KCNQ3: variants seen among roughly 807,000 people sequenced by gnomAD.
KCNQ3 encodes the protein potassium voltage-gated channel subfamily Q member 3.
Under a neutral mutation model 92.5 loss-of-function variants are expected in KCNQ3, and 30 were observed. The ratio of observed to expected loss-of-function variants is 0.32; its 90% confidence interval spans 0.24 to 0.44. The LOEUF is 0.44. Among genes scored for constraint, KCNQ3 ranks in the 20% least tolerant of loss-of-function variants. KCNQ3 has a pLI of 1.00. For synonymous variants in KCNQ3, 450 were observed against 468.8 expected (o/e 0.96, Z 0.52); for missense variants, 913 against 1,140.3 (o/e 0.80, Z 2.87).
rs79110098 is a variant in KCNQ3, at chr8:132,461,209, G to A, written c.386+18938C>T. On this transcript the variant is annotated intron_variant, in intron 1 of 14. Transcript: ENST00000388996. The stretch of plus-strand genomic sequence containing the variant: ...AACATTTCCATGAAGGTTTTTGTGT[G>A]GATATAAGATTTCAAATGAGTTGGG... Among the ~76,000 whole-genome samples the A allele has an allele frequency of 9.9e-3, 1,504 of 152,206 alleles. 18 individuals carry two copies. Among genetic ancestry groups the A allele is most frequent in the African/African-American group, 0.034 (1,423 of 41,518 alleles).
chr8:132,187,660 ATAG>A, intron 1 of KCNQ3, among the ~76,000 whole-genome samples: 1 of 148,766 alleles, frequency 6.7e-6, no homozygotes, highest in East Asian at 2.0e-4. Context: ...GGTTGTGATG[ATAG>A]TGGTGGTGGT....
chr8:132,155,787 C>T (rs1157688161), intron 9 of KCNQ3, among the ~76,000 whole-genome samples: 3 of 152,112 alleles, frequency 2.0e-5, no homozygotes, highest in African/African-American at 7.2e-5. Flanking sequence ...ACCTTGGGCT[C>T]AGGTGGCAGG....
At chr8:132,369,794 A>G (rs144283049) in intron 1 of KCNQ3, among the ~76,000 whole-genome samples, 1 of 152,326 alleles carries the variant, frequency 6.6e-6, no homozygotes, top group African/African-American at 2.4e-5. Flanking sequence ...CACACCTGGC[A>G]TTATAAGCTC....
chr8:132,227,615 C>T (rs1183413602), intron 1 of KCNQ3, among the ~76,000 whole-genome samples: 1 of 152,194 alleles, frequency 6.6e-6, no homozygotes, highest in Non-Finnish European at 1.5e-5. Flanking sequence ...CAAACTAATA[C>T]AGAGGGCCTC....
intron 1 of KCNQ3, among the ~76,000 whole-genome samples, chr8:132,439,930 T>C (rs1402111729): frequency 6.6e-6 from 1 of 152,162 alleles, no homozygotes; most frequent in Non-Finnish European, 1.5e-5. Context: ...TCAGTGTCCA[T>C]AGAGGATTGG....
intron 1 of KCNQ3, among the ~76,000 whole-genome samples, chr8:132,343,777 G>C (rs1478280852): frequency 6.6e-6 from 1 of 152,076 alleles, no homozygotes; most frequent in African/African-American, 2.4e-5. Flanking sequence ...GTCCTGGGTG[G>C]CTTTGCTTGT....
intron 1 of KCNQ3, among the ~76,000 whole-genome samples, chr8:132,451,830 C>T (rs72721083): frequency 0.075 from 11,397 of 152,132 alleles, 460 homozygotes; most frequent in Middle Eastern, 0.11. Flanking sequence ...ACAGGAGCAG[C>T]GGGAAGGTGG....
At chr8:132,223,455 C>T (rs2130345984) in intron 1 of KCNQ3, among the ~76,000 whole-genome samples, 1 of 152,218 alleles carries the variant, frequency 6.6e-6, no homozygotes, top group Admixed American at 6.5e-5. Context: ...GGGAGAGGTG[C>T]TGGTATTTGA....
At chr8:132,317,745 A>C (rs533744333) in intron 1 of KCNQ3, among the ~76,000 whole-genome samples, 14 of 151,946 alleles carry the variant, frequency 9.2e-5, no homozygotes, top group African/African-American at 3.4e-4. Flanking sequence ...GACCCCCGTG[A>C]AGTGCTTTGC....
chr8:132,299,776 G>A (rs988627575), intron 1 of KCNQ3, among the ~76,000 whole-genome samples: 28 of 93,934 alleles, frequency 3.0e-4, no homozygotes, highest in African/African-American at 1.1e-3. Context: ...AATCAGATAT[G>A]CAACTTTTCT....
chr8:132,143,184 T>G (rs1241152816), intron 9 of KCNQ3, among the ~76,000 whole-genome samples: 1 of 152,086 alleles, frequency 6.6e-6, no homozygotes, highest in East Asian at 1.9e-4. Context: ...CCAGGATAAA[T>G]TTAGAAAAAC....
chr8:132,409,750 G>A (rs779205359), intron 1 of KCNQ3, among the ~76,000 whole-genome samples: 1 of 152,210 alleles, frequency 6.6e-6, no homozygotes, highest in African/African-American at 2.4e-5. Flanking sequence ...TAGAGTCAGT[G>A]CATATTGAAA....
At chr8:132,259,984 TGAC>T (rs1342809883) in intron 1 of KCNQ3, among the ~76,000 whole-genome samples, 3 of 152,162 alleles carry the variant, frequency 2.0e-5, no homozygotes, top group Admixed American at 1.3e-4. Flanking sequence ...AAAACATTGT[TGAC>T]ATTAACTTTT....
At chr8:132,443,990 C>T (rs1456902620) in intron 1 of KCNQ3, among the ~76,000 whole-genome samples, 1 of 152,150 alleles carries the variant, frequency 6.6e-6, no homozygotes, top group East Asian at 1.9e-4. Context: ...TTCATTGCCC[C>T]CTTTTCTTCT....
chr8:132,328,643 T>C (rs1248692408), intron 1 of KCNQ3, among the ~76,000 whole-genome samples: 1 of 152,164 alleles, frequency 6.6e-6, no homozygotes, highest in African/African-American at 2.4e-5. Context: ...TATCCAAATC[T>C]ACAATGAGTA....
At chr8:132,359,966 A>G (rs1819121680) in intron 1 of KCNQ3, among the ~76,000 whole-genome samples, 1 of 152,144 alleles carries the variant, frequency 6.6e-6, no homozygotes, top group African/African-American at 2.4e-5. Context: ...TCTGATACAG[A>G]TTTAGTTTCT....
intron 8 of KCNQ3, among the ~76,000 whole-genome samples, chr8:132,163,889 T>C (rs151064255): frequency 1.3e-3 from 196 of 152,334 alleles, no homozygotes; most frequent in Non-Finnish European, 2.0e-3. Context: ...ACTACCATTG[T>C]CATCATAGCG....
chr8:132,334,667 A>T (rs1818318258), intron 1 of KCNQ3, among the ~76,000 whole-genome samples: 2 of 152,222 alleles, frequency 1.3e-5, no homozygotes, highest in Non-Finnish European at 2.9e-5. Context: ...TCCAGATGAG[A>T]ATACCTCAGA....
At chr8:132,386,515 T>A (rs1045887670) in intron 1 of KCNQ3, among the ~76,000 whole-genome samples, 9 of 152,070 alleles carry the variant, frequency 5.9e-5, no homozygotes, top group African/African-American at 1.7e-4. Context: ...AAGGTAAATA[T>A]AAATTACCAA....
Sources: allele counts gnomAD v4.1 joint callset (sites outside exome capture counted in the v4.1 genomes callset), GRCh38; gene constraint gnomAD v4.1.1; transcripts MANE v1.5; gene names NCBI Gene and HGNC (gene_info 2026-07-23, HGNC 2026-07-21).